The following TET3 variants were observed in gnomAD, a reference collection of about 807,000 sequenced individuals.
TET3 encodes the protein tet methylcytosine dioxygenase 3.
In TET3, 19 loss-of-function variants were observed where a neutral mutation model predicts 141.4. The ratio of observed to expected loss-of-function variants is 0.13; its 90% confidence interval spans 0.09 to 0.20. TET3 has a LOEUF of 0.20. Ranked by LOEUF, TET3 falls within the 10% of genes least tolerant of loss-of-function variation. The pLI, the probability that TET3 is intolerant of heterozygous loss-of-function variation, is 1.00. For missense variants in TET3, 1,874 were observed against 2,356.9 expected, an observed-to-expected ratio of 0.80 and a Z score of 4.24; for synonymous variants, 1,043 against 980.9, an observed-to-expected ratio of 1.06 and a Z score of -1.18.
At chr2:74,043,489 G>A (rs547694203) in intron 3 of TET3, among the ~76,000 whole-genome samples, 6 of 152,250 alleles carry the variant, frequency 3.9e-5, no homozygotes, top group South Asian at 2.1e-4. Flanking sequence ...AGTGGCATGC[G>A]ATAAGTGCTA....
the TET3 span, among the ~76,000 whole-genome samples, chr2:74,132,198 G>A: frequency 1.3e-5 from 2 of 152,130 alleles, no homozygotes; most frequent in Non-Finnish European, 2.9e-5. Flanking sequence ...AGTCCAGCTA[G>A]AGGCTGCAAT....
the TET3 span, among the ~76,000 whole-genome samples, chr2:74,130,094 C>CAAAAAAA: frequency 7.9e-6 from 1 of 126,688 alleles, no homozygotes. Context: ...GAGTCTGTCT[C>CAAAAAAA]AAAAAAAAAA....
Position 74,107,702 on chromosome 2 carries a change from C to CTGTT in TET3, c.*5529_*5532dup, listed in dbSNP as rs913847642. ...TTTTATTTCTTATCTCTTTGAATTCCTGTTTGGTTACTTGGCTTCCAATGG... is the reference window on the plus strand; with the variant it reads ...TTTTATTTCTTATCTCTTTGAATTCCTGTTTGTTTGGTTACTTGGCTTCCAATGG... On this transcript the variant is annotated 3_prime_UTR_variant, in exon 12 of 12. Transcript: ENST00000409262. 1 of 152,120 alleles carries CTGTT rather than the reference C, an allele frequency of 6.6e-6. No individual in the cohort carries two copies. Among genetic ancestry groups the CTGTT allele is most frequent in the Non-Finnish European group, 1.5e-5 (1 of 68,026 alleles). 9.4% of individuals were successfully genotyped at this position (152,120 alleles called of 1,614,324 possible). A position where few individuals can be genotyped will look rare whatever the true frequency, so the allele number is the denominator to read the frequency against.
chr2:74,047,248 C>T lies in TET3; in HGVS notation c.1331C>T (p.Ala444Val), dbSNP rs748928240. 5 of 1,614,034 alleles carry T rather than the reference C, an allele frequency of 3.1e-6. No individual in the cohort carries two copies. In the South Asian group the frequency reaches 4.4e-5, roughly 14 times the overall value. ...PEAWGTDTPP[A>V]TPRSSWPMPR... ...GCCTGGGGCACTGACACCCCTCCAG[C>T]AACGCCCCGGAGCTCCTGGCCCATG... The change falls in exon 4 of 12, where the codon GCA (alanine) becomes GTA (valine). Residue 444 changes from alanine to valine, a missense_variant. Physicochemically the swap from Ala to Val is moderately conservative, Grantham distance 64. Coordinates refer to ENST00000409262, the MANE Select transcript of TET3 (RefSeq NM_001287491.2).
downstream of TET3, among the ~76,000 whole-genome samples, chr2:74,113,011 A>C (rs1394065441): frequency 1.5e-5 from 2 of 131,134 alleles, no homozygotes; most frequent in African/African-American, 6.5e-5. Flanking sequence ...CGTCTCAAAA[A>C]AAAAAAAAAA....
intron 3 of TET3, among the ~76,000 whole-genome samples, chr2:74,014,631 C>T (rs1685637558): frequency 6.6e-6 from 1 of 151,878 alleles, no homozygotes; most frequent in Non-Finnish European, 1.5e-5. Context: ...TATCCTAGGC[C>T]GAAATGGAAG....
At chr2:74,074,196 A>G (rs185100748) in intron 5 of TET3, among the ~76,000 whole-genome samples, 111 of 152,296 alleles carry the variant, frequency 7.3e-4, no homozygotes, top group African/African-American at 2.6e-3. Flanking sequence ...GATTTCTCAT[A>G]TGACAAGATA....
In TET3 at chr2:74,100,708, G is replaced by A; in HGVS notation, c.3920G>A (p.Gly1307Glu). The A allele has an allele frequency of 6.2e-7, 1 of 1,613,982 alleles. No homozygotes were observed. The highest frequency in any genetic ancestry group is 8.5e-7 in the Non-Finnish European group (1 of 1,179,880). The change falls in exon 12 of 12, where the codon GGG becomes GAG. Residue 1307 changes from glycine (G) to glutamate (E), a missense_variant. Around this residue, in one of 10 missense-constraint regions of TET3, gnomAD observed 602 missense variants for 590.2 expected, o/e 1.02. Coordinates refer to ENST00000409262, the MANE Select transcript of TET3 (RefSeq NM_001287491.2). ...PSQFLGPGAW[G>E]HSGSSGSFEK... ...CAGTTCCTGGGTCCTGGTGCCTGGG[G>A]GCACAGTGGCAGCAGTGGCAGTTTT...
At chr2:74,034,498 G>C (rs1381471313) in intron 3 of TET3, among the ~76,000 whole-genome samples, 1 of 146,880 alleles carries the variant, frequency 6.8e-6, no homozygotes, top group Non-Finnish European at 1.5e-5. Flanking sequence ...TTGCATTTCT[G>C]TACAATACAT....
upstream of TET3, among the ~76,000 whole-genome samples, chr2:73,984,212 G>C (rs1191059300): frequency 1.3e-5 from 2 of 152,246 alleles, no homozygotes; most frequent in East Asian, 3.9e-4. The surrounding 1 kb of genome is among the most constrained non-coding windows in gnomAD (Gnocchi z 5.6). Flanking sequence ...AGGCAGGGCG[G>C]GGGTATCGGA....
chr2:74,090,373 C>G (rs10186781), intron 8 of TET3, among the ~76,000 whole-genome samples: 7 of 152,172 alleles, frequency 4.6e-5, no homozygotes, highest in East Asian at 3.9e-4. Flanking sequence ...ATTTCTCCCC[C>G]CCATCTTCCC....
chr2:74,059,651 C>A (rs886301118), intron 4 of TET3, among the ~76,000 whole-genome samples: 1 of 151,934 alleles, frequency 6.6e-6, no homozygotes, highest in Non-Finnish European at 1.5e-5. Context: ...CTCCTTGGCT[C>A]AAGTGATCCC....
chr2:74,122,511 A>ATATT, the TET3 span: 91 of 47,536 alleles, frequency 1.9e-3, 2 homozygotes, highest in Non-Finnish European at 2.8e-3. Context: ...ATATATATAT[A>ATATT]TTTTTTTTTT....
chr2:73,991,919 G>C lies in TET3; in HGVS notation c.303+5213G>C, dbSNP rs374915474. Among the ~76,000 whole-genome samples the C allele has an allele frequency of 2.1e-4, 32 of 152,156 alleles. 1 individual carries two copies. The East Asian group carries it at 5.0e-3, about 24-fold the overall frequency. On this transcript the variant is annotated intron_variant, in intron 2 of 11. Coordinates refer to ENST00000409262, the MANE Select transcript of TET3 (RefSeq NM_001287491.2). Reference sequence around the variant, plus strand: ...GAAGGACTGAGCCATCTGTGTGGCTGTATGGGCTGTTCTCTAGTGAGTGAG... The same window carrying C: ...GAAGGACTGAGCCATCTGTGTGGCTCTATGGGCTGTTCTCTAGTGAGTGAG...
At chr2:74,118,254 G>A in the TET3 span, among the ~76,000 whole-genome samples, 2 of 152,138 alleles carry the variant, frequency 1.3e-5, no homozygotes, top group Non-Finnish European at 2.9e-5. Flanking sequence ...CACACGTAGT[G>A]CCTCTAGTAA....
At chr2:74,024,489 C>T (rs1302709845) in intron 3 of TET3, among the ~76,000 whole-genome samples, 1 of 152,002 alleles carries the variant, frequency 6.6e-6, no homozygotes, top group Non-Finnish European at 1.5e-5. Context: ...CAGGCGGCCC[C>T]CTTCTTCCTT....
downstream of TET3, among the ~76,000 whole-genome samples, chr2:74,108,544 G>A (rs1304126762): frequency 6.6e-6 from 1 of 152,084 alleles, no homozygotes; most frequent in Non-Finnish European, 1.5e-5. Context: ...ATCACCAAAT[G>A]CTGCTTGGTT....
chr2:74,101,375 C>T lies in TET3; in HGVS notation c.4587C>T (p.Ser1529=), dbSNP rs1222312153. The T allele has an allele frequency of 1.2e-6, 2 of 1,613,904 alleles. No individual in the cohort carries two copies. The highest frequency in any genetic ancestry group is 8.5e-7 in the Non-Finnish European group (1 of 1,179,878). The change falls in exon 12 of 12, where the codon AGC becomes AGT. Residue 1529 remains serine (S), a synonymous_variant. Transcript: ENST00000409262. This position sits in a 1 kb window ranked among gnomAD's most constrained non-coding sequence, Gnocchi z 8.5. ...GNSTSALAGP[S]LTEKPWALGA... The stretch of plus-strand genomic sequence containing the variant: ...GCACCTCGGCCTTGGCTGGGCCCAG[C>T]CTGACTGAGAAGCCGTGGGCGCTGG...
Position 74,101,934 on chromosome 2 carries a change from C to T in TET3, c.5146C>T (p.Leu1716=), listed in dbSNP as rs372228059. 34 of 1,613,212 alleles carry T rather than the reference C, an allele frequency of 2.1e-5. No individual in the cohort carries two copies. Among genetic ancestry groups the T allele is most frequent in the Non-Finnish European group, 2.7e-5 (32 of 1,179,700 alleles). The change falls in exon 12 of 12, where the codon CTG becomes TTG. Residue 1716 remains leucine, a synonymous_variant. Coordinates refer to ENST00000409262, the MANE Select transcript of TET3 (RefSeq NM_001287491.2). The surrounding 1 kb of genome is among the most constrained non-coding windows in gnomAD (Gnocchi z 8.5). ...LALWEAKMKQ[L]AERARARQEE... Reference sequence around the variant, plus strand: ...CCTCTGGGAAGCCAAGATGAAGCAGCTGGCGGAGAGGGCACGGGCACGGCA... The same window carrying T: ...CCTCTGGGAAGCCAAGATGAAGCAGTTGGCGGAGAGGGCACGGGCACGGCA...
Sources: gnomAD v4.1 joint callset for allele counts (sites outside exome capture counted in the v4.1 genomes callset) on GRCh38, gnomAD v4.1.1 for gene constraint, gnomAD v4.1.1 regional missense constraint, Gnocchi (gnomAD v3.1) non-coding constraint, MANE v1.5 for transcripts, NCBI Gene and HGNC (gene_info 2026-07-23, HGNC 2026-07-21) for gene names.